The following UBQLN4 variants were observed in gnomAD, a reference collection of about 807,000 sequenced individuals.
The protein encoded by UBQLN4 is ubiquilin-4.
In UBQLN4, 11 loss-of-function variants were observed where a neutral mutation model predicts 60.4. The observed-to-expected ratio is 0.18, with a 90% CI of 0.11 to 0.30. The LOEUF (loss-of-function observed/expected upper bound fraction) is 0.30, where lower values mean the gene tolerates loss of function less well. Among genes scored for constraint, UBQLN4 ranks in the 10% least tolerant of loss-of-function variants. The pLI is 1.00. For missense variants in UBQLN4, 417 were observed against 795.5 expected (o/e 0.52, Z 5.72); for synonymous variants, 258 against 313.1 (o/e 0.82, Z 1.86).
chr1:156,051,084 T>G, intron 3 of UBQLN4, 26 bp downstream of exon 3: 2 of 1,606,766 alleles, frequency 1.2e-6, no homozygotes, highest in Non-Finnish European at 1.7e-6. Flanking sequence ...CCAAACAAGA[T>G]TGTGCTCTCC....
downstream of UBQLN4, among the ~76,000 whole-genome samples, chr1:156,034,843 AT>A (rs1558083151): frequency 1.9e-3 from 191 of 101,140 alleles, 9 homozygotes; most frequent in African/African-American, 6.3e-3. Flanking sequence ...ATATATATAT[AT>A]ATATATATAT....
intron 10 of UBQLN4, among the ~76,000 whole-genome samples, chr1:156,041,145 G>A (rs1041789119): frequency 6.6e-6 from 1 of 152,024 alleles, no homozygotes; most frequent in Non-Finnish European, 1.5e-5. Flanking sequence ...TAACCTTTCC[G>A]GGCCTCAGTT....
intron 10 of UBQLN4, among the ~76,000 whole-genome samples, chr1:156,038,630 A>G (rs1683466417): frequency 6.6e-6 from 1 of 152,120 alleles, no homozygotes; most frequent in Non-Finnish European, 1.5e-5. Context: ...ACACTCCAGC[A>G]TGGGGGACAG....
intron 6 of UBQLN4, among the ~76,000 whole-genome samples, chr1:156,043,328 G>A (rs911488011): frequency 8.5e-5 from 13 of 152,168 alleles, no homozygotes; most frequent in Non-Finnish European, 1.9e-4. Context: ...GCTGGAGCTG[G>A]GGCAGGAGGG....
At chr1:156,034,904 T>C (rs1398692003), downstream of UBQLN4, among the ~76,000 whole-genome samples, 1 of 140,806 alleles carries the variant, frequency 7.1e-6, no homozygotes, top group Non-Finnish European at 1.5e-5. Context: ...GGTTTCACTT[T>C]GTCTCCCAGG....
chr1:156,033,968 C>T (rs939716736), downstream of UBQLN4, among the ~76,000 whole-genome samples: 1 of 151,948 alleles, frequency 6.6e-6, no homozygotes, highest in Non-Finnish European at 1.5e-5. Flanking sequence ...GTTTCTTTCC[C>T]CTCTGGGTTC....
At chr1:156,047,675 C>A (rs1334298934) in intron 5 of UBQLN4, among the ~76,000 whole-genome samples, 1 of 151,134 alleles carries the variant, frequency 6.6e-6, no homozygotes, top group Non-Finnish European at 1.5e-5. Flanking sequence ...GTGGGCGGAT[C>A]ATGAGGTCAG....
chr1:156,035,109 T>G (rs1355860796), downstream of UBQLN4, among the ~76,000 whole-genome samples: 1 of 151,832 alleles, frequency 6.6e-6, no homozygotes, highest in African/African-American at 2.4e-5. Flanking sequence ...CTTGTTTTTT[T>G]GAGATGCAGT....
Position 156,053,573 on chromosome 1 carries a change from GC to G in UBQLN4, c.108+20del. Reference sequence around the variant, plus strand: ...CAGACCCCTCCTCCGCGCTCCCCCCGCCCCCCGCCTGCTGTACTACCTCCTT... The same window carrying G: ...CAGACCCCTCCTCCGCGCTCCCCCCGCCCCCGCCTGCTGTACTACCTCCTT... On this transcript the variant is annotated intron_variant, in intron 1 of 10. Transcript: ENST00000368309. The G allele has an allele frequency of 3.1e-6, 2 of 644,126 alleles. No individual in the cohort carries two copies. Among genetic ancestry groups the G allele is most frequent in the Non-Finnish European group, 2.1e-6 (1 of 485,990 alleles). 39.9% of individuals were successfully genotyped at this position (644,126 alleles called of 1,614,324 possible). A position where few individuals can be genotyped will look rare whatever the true frequency, so the allele number is the denominator to read the frequency against.
At chr1:156,046,043 G>A (rs928944478) in intron 5 of UBQLN4, among the ~76,000 whole-genome samples, 8 of 151,326 alleles carry the variant, frequency 5.3e-5, no homozygotes, top group East Asian at 3.9e-4. Flanking sequence ...ATGGGGTTTC[G>A]CCATGTTGGC....
chr1:156,034,798 T>G (rs369877846), downstream of UBQLN4, among the ~76,000 whole-genome samples: 32 of 129,306 alleles, frequency 2.5e-4, no homozygotes, highest in African/African-American at 8.4e-4. Context: ...TTACTGATAC[T>G]TCCATCATCA....
At chr1:156,045,430 T>C (rs913991808) in intron 5 of UBQLN4, among the ~76,000 whole-genome samples, 1 of 152,236 alleles carries the variant, frequency 6.6e-6, no homozygotes, top group Non-Finnish European at 1.5e-5. Context: ...TGGTACACTC[T>C]AAGGACGAAA....
At position 156,050,687 on chromosome 1, in the gene UBQLN4, C is replaced by A. The variant is rs929659362; in HGVS notation, c.479-134G>T. On this transcript the variant is annotated intron_variant, in intron 3 of 10. Coordinates refer to ENST00000368309, the MANE Select transcript of UBQLN4 (RefSeq NM_020131.5). The surrounding 1 kb of genome is among the most constrained non-coding windows in gnomAD (Gnocchi z 4.6). ...CCCTCTTCCTGTCATTCCCACAGCC[C>A]GGCCCTGATCCACTGCTGGCAAAAA... is the stretch of plus-strand genomic sequence containing the variant. The A allele has an allele frequency of 1.5e-6, 2 of 1,350,528 alleles. No homozygotes were observed. The highest frequency in any genetic ancestry group is 9.8e-7 in the Non-Finnish European group (1 of 1,016,810). 83.7% of individuals were successfully genotyped at this position (1,350,528 alleles called of 1,614,324 possible).
chr1:156,036,737 T>C lies in UBQLN4; in HGVS notation c.*241A>G, dbSNP rs1683412605. 2 of 1,266,692 alleles carry C rather than the reference T, an allele frequency of 1.6e-6. No individual in the cohort carries two copies. Among genetic ancestry groups the C allele is most frequent in the African/African-American group, 1.5e-5 (1 of 66,452 alleles). The allele number at this position is 1,266,692 out of a possible 1,614,324, so 78.5% of individuals were successfully genotyped here. Reference sequence around the variant, plus strand: ...AGTCAATCAATGAAACTGTGAAAACTGTTTAAGTAGCACTGCTCAAGGAGA... The same window carrying C: ...AGTCAATCAATGAAACTGTGAAAACCGTTTAAGTAGCACTGCTCAAGGAGA... On this transcript the variant is annotated 3_prime_UTR_variant, in exon 11 of 11. Coordinates refer to ENST00000368309, the MANE Select transcript of UBQLN4 (RefSeq NM_020131.5).
chr1:156,034,354 G>A (rs752505708), downstream of UBQLN4, among the ~76,000 whole-genome samples: 2 of 146,536 alleles, frequency 1.4e-5, no homozygotes, highest in African/African-American at 2.5e-5. Flanking sequence ...GCTAGAGTGC[G>A]TGGCACAATC....
chr1:156,032,348 A>G (rs1177189883), downstream of UBQLN4, among the ~76,000 whole-genome samples: 2 of 149,698 alleles, frequency 1.3e-5, no homozygotes, highest in Non-Finnish European at 3.0e-5. Flanking sequence ...CAACCCTTTG[A>G]AAAGAATGAG....
In UBQLN4 at chr1:156,043,969, C is replaced by A. The variant is rs2102746366; in HGVS notation, c.1126+29G>T. Reference sequence around the variant, plus strand: ...GACAGAGGGGCTGCCCTGGTGACCCCACTAAGCTCCTTCCATCCTAGGACA... The same window carrying A: ...GACAGAGGGGCTGCCCTGGTGACCCAACTAAGCTCCTTCCATCCTAGGACA... On this transcript the variant is annotated intron_variant, in intron 6 of 10. Transcript: ENST00000368309. 7.5e-6 allele frequency: 12 copies of A among 1,610,244 alleles called. No individual in the cohort carries two copies. The African/African-American group carries it at 1.2e-4, about 16-fold the overall frequency.
rs114632978 is a variant in UBQLN4, at chr1:156,053,066, T to G, written c.108+528A>C. Among the ~76,000 whole-genome samples, 539 of 152,278 alleles carry G rather than the reference T, an allele frequency of 3.5e-3. 2 individuals are homozygous for G. The highest frequency in any genetic ancestry group is 0.013 in the African/African-American group (522 of 41,542). On this transcript the variant is annotated intron_variant, in intron 1 of 10. Coordinates refer to ENST00000368309, the MANE Select transcript of UBQLN4 (RefSeq NM_020131.5). ...AGTCCGTCATTCAACAAGATTTTAT[T>G]GAGCACCTACTGCACACCGTGTAAA...
In UBQLN4 at chr1:156,048,395, A is replaced by G. The variant is rs1367170625; in HGVS notation, c.900+106T>C. On this transcript the variant is annotated intron_variant, in intron 5 of 10. Transcript: ENST00000368309. The surrounding 1 kb of genome is among the most constrained non-coding windows in gnomAD (Gnocchi z 4.9). Reference sequence around the variant, plus strand: ...GCCTTCAAGCCAAGGCCCACCCCTCAGGGGACTGGGGAAAGAAAGAAGAGC... The same window carrying G: ...GCCTTCAAGCCAAGGCCCACCCCTCGGGGGACTGGGGAAAGAAAGAAGAGC... 3 of 1,374,148 alleles carry G rather than the reference A, an allele frequency of 2.2e-6. No homozygotes were observed. The highest frequency in any genetic ancestry group is 1.4e-5 in the African/African-American group (1 of 68,996). 85.1% of individuals were successfully genotyped at this position (1,374,148 alleles called of 1,614,324 possible).
Sources: gnomAD v4.1 joint callset for allele counts (sites outside exome capture counted in the v4.1 genomes callset) on GRCh38, gnomAD v4.1.1 for gene constraint, Gnocchi (gnomAD v3.1) non-coding constraint, MANE v1.5 for transcripts, NCBI Gene and HGNC (gene_info 2026-07-23, HGNC 2026-07-21) for gene names.